Variants in MED27 observed in about 807,000 individuals in gnomAD.
MED27 encodes the protein mediator of RNA polymerase II transcription subunit 27.
A neutral mutation model predicts 38.2 loss-of-function variants in MED27; 30 were observed. That is an observed-to-expected ratio of 0.79 (90% confidence interval 0.59 to 1.07). The LOEUF (loss-of-function observed/expected upper bound fraction) is 1.07. Ranked by LOEUF, MED27 falls within the 50% of genes least tolerant of loss-of-function variation. The probability of loss-of-function intolerance (pLI) is 0.00; values close to 1 mark genes in which losing one functional copy is unlikely to be tolerated. For synonymous variants in MED27, 122 were observed against 153.5 expected (o/e 0.79, Z 1.52); for missense variants, 289 against 397.5 (o/e 0.73, Z 2.32).
rs1271243580 is a variant in MED27 at position 132,011,849 on chromosome 9, C to A, written c.479+2488G>T. ...GGCTACTAAGTATAGGAAATCATTT[C>A]TATGTTGTATTCTTAGGACACAGTA... On this transcript the variant is annotated intron_variant, in intron 3 of 7. Coordinates refer to ENST00000292035, the MANE Select transcript of MED27 (RefSeq NM_004269.4). Among the ~76,000 whole-genome samples the A allele has an allele frequency of 2.6e-5, 4 of 151,978 alleles. No individual in the cohort carries two copies. In the East Asian group the frequency reaches 7.7e-4, roughly 29 times the overall value.
At chr9:131,929,593 C>T (rs558237167) in intron 4 of MED27, among the ~76,000 whole-genome samples, 15 of 152,258 alleles carry the variant, frequency 9.9e-5, no homozygotes, top group Non-Finnish European at 1.5e-4. Context: ...GAAGGGCCCC[C>T]GGACTTTCAG....
chr9:131,864,015 G>A (rs765206501), intron 6 of MED27, among the ~76,000 whole-genome samples: 8 of 152,170 alleles, frequency 5.3e-5, no homozygotes, highest in Non-Finnish European at 1.0e-4. Flanking sequence ...AGGAGCAAAG[G>A]GGCTGGCCTC....
At chr9:132,039,393 A>G (rs1260147687) in intron 2 of MED27, among the ~76,000 whole-genome samples, 4 of 152,172 alleles carry the variant, frequency 2.6e-5, no homozygotes, top group African/African-American at 4.8e-5. Flanking sequence ...ACACGCCTCC[A>G]GGCTCTTGTG....
chr9:131,919,068 C>T lies in MED27; in HGVS notation c.573+20313G>A, dbSNP rs140258835. Among the ~76,000 whole-genome samples, 21 of 152,146 alleles carry T rather than the reference C, an allele frequency of 1.4e-4. No individual in the cohort carries two copies. In the East Asian group the frequency reaches 3.7e-3, roughly 27 times the overall value. On this transcript the variant is annotated intron_variant, in intron 4 of 7. Coordinates refer to ENST00000292035, the MANE Select transcript of MED27 (RefSeq NM_004269.4). Reference sequence around the variant, plus strand: ...GAGTTCATGGACCCAAGGTTAAGAGCCCTGAGATAAAGATAATAGCAATTT... The same window carrying T: ...GAGTTCATGGACCCAAGGTTAAGAGTCCTGAGATAAAGATAATAGCAATTT...
intron 4 of MED27, among the ~76,000 whole-genome samples, chr9:131,910,496 T>C (rs948149889): frequency 3.9e-5 from 6 of 152,138 alleles, no homozygotes; most frequent in African/African-American, 1.4e-4. Flanking sequence ...TGAAATAACA[T>C]AAACCTGTTT....
At chr9:132,069,298 T>C (rs187863347) in intron 2 of MED27, among the ~76,000 whole-genome samples, 1 of 151,804 alleles carries the variant, frequency 6.6e-6, no homozygotes, top group Non-Finnish European at 1.5e-5. Context: ...CCAAAGACAG[T>C]TCCTGCTCTT....
intron 3 of MED27, among the ~76,000 whole-genome samples, chr9:131,999,733 G>T (rs1832178963): frequency 6.6e-6 from 1 of 152,058 alleles, no homozygotes; most frequent in Non-Finnish European, 1.5e-5. Flanking sequence ...TCTACCAAAA[G>T]AAAATAAAAA....
chr9:131,938,674 A>T (rs35343125), intron 4 of MED27, among the ~76,000 whole-genome samples: 1 of 151,956 alleles, frequency 6.6e-6, no homozygotes, highest in Non-Finnish European at 1.5e-5. Context: ...CTTCAAATAC[A>T]TAATATTCTG....
intron 2 of MED27, among the ~76,000 whole-genome samples, chr9:132,057,956 G>A (rs532196011): frequency 1.1e-3 from 166 of 152,178 alleles, no homozygotes; most frequent in Middle Eastern, 6.8e-3. Context: ...GGACAATATA[G>A]TAAAACCTAA....
chr9:131,914,248 T>C (rs1830246150), intron 4 of MED27, among the ~76,000 whole-genome samples: 1 of 152,178 alleles, frequency 6.6e-6, no homozygotes, highest in Non-Finnish European at 1.5e-5. Context: ...ATAAAATCCA[T>C]AGAGACTTGG....
chr9:131,984,731 T>C (rs1831812357), intron 3 of MED27, among the ~76,000 whole-genome samples: 1 of 152,188 alleles, frequency 6.6e-6, no homozygotes, highest in Non-Finnish European at 1.5e-5. Context: ...GCTGGTCTGC[T>C]GTGAACTCCT....
chr9:131,916,290 C>T (rs75829101), intron 4 of MED27, among the ~76,000 whole-genome samples: 5,004 of 152,254 alleles, frequency 0.033, 289 homozygotes, highest in African/African-American at 0.11. Context: ...TATTTACACG[C>T]TTGGTCTATA....
At chr9:131,863,245 T>C (rs1159362191) in intron 6 of MED27, 105 bp from the exon 7 acceptor site, 11 of 885,076 alleles carry the variant, frequency 1.2e-5, no homozygotes, top group Non-Finnish European at 2.0e-5. Flanking sequence ...TCTGAGTATC[T>C]CGTGGAGGAA....
chr9:131,884,077 T>C lies in MED27; in HGVS notation c.704A>G (p.Asn235Ser). The change falls in exon 6 of 8, where the codon AAC (asparagine) becomes AGC (serine). Residue 235 changes from asparagine to serine, a missense_variant. By Grantham distance (46) the Asn-to-Ser change is conservative. Transcript: ENST00000292035. The stretch of plus-strand genomic sequence containing the variant: ...ACTTACCTTCTGGAATACTTGATAG[T>C]TGGATTTGGACCATATATCAAGCTG... The part of the protein sequence containing the change: ...DGKLDIWSKS[N>S]YQVFQKVTDH... 6.2e-7 allele frequency: 1 copy of C among 1,612,386 alleles called. No individual in the cohort carries two copies.
intron 3 of MED27, among the ~76,000 whole-genome samples, chr9:131,958,977 G>A (rs1831159880): frequency 6.6e-6 from 1 of 152,200 alleles, no homozygotes; most frequent in African/African-American, 2.4e-5. Context: ...AGTTTCACAT[G>A]TGTTTGAATA....
At chr9:132,039,371 T>C (rs1471015817) in intron 2 of MED27, among the ~76,000 whole-genome samples, 2 of 152,096 alleles carry the variant, frequency 1.3e-5, no homozygotes, top group Admixed American at 6.5e-5. Context: ...AGAACGATAA[T>C]AATAATAGTA....
intron 3 of MED27, among the ~76,000 whole-genome samples, chr9:131,980,034 G>A (rs1217973092): frequency 6.6e-6 from 1 of 152,066 alleles, no homozygotes; most frequent in Non-Finnish European, 1.5e-5. Context: ...TCTATGAATT[G>A]CCAAAAGCAC....
intron 3 of MED27, among the ~76,000 whole-genome samples, chr9:131,985,470 A>G (rs954209993): frequency 2.0e-5 from 3 of 152,196 alleles, no homozygotes; most frequent in Non-Finnish European, 4.4e-5. Flanking sequence ...CAGTGGTCCC[A>G]TAAGATTATA....
In MED27 at chr9:132,079,772, G is replaced by C. The variant is rs1340545952; in HGVS notation, c.73C>G (p.Arg25Gly). The C allele has an allele frequency of 1.9e-6, 3 of 1,614,000 alleles. No homozygotes were observed. The highest frequency in any genetic ancestry group is 8.5e-7 in the Non-Finnish European group (1 of 1,180,024). ...SQAISAIQAL[R>G]SSVSRVFDCL... ...TCGAACACCCTGCTCACGCTGGAGCGCAGCGCCTGGATGGCACTAATGGCC... is the reference window on the plus strand; with the variant it reads ...TCGAACACCCTGCTCACGCTGGAGCCCAGCGCCTGGATGGCACTAATGGCC... Residue 25 changes from arginine (R) to glycine (G), a missense_variant, in exon 1 of 8, where the codon CGC becomes GGC. Physicochemically the swap from Arg to Gly is moderately radical, Grantham distance 125. Transcript: ENST00000292035.
Sources: gnomAD v4.1 joint callset for allele counts (sites outside exome capture counted in the v4.1 genomes callset) on GRCh38, gnomAD v4.1.1 for gene constraint, MANE v1.5 for transcripts, NCBI Gene and HGNC (gene_info 2026-07-23, HGNC 2026-07-21) for gene names.